Variants in PFKFB3 observed in about 807,000 individuals in gnomAD.
The protein encoded by PFKFB3 is 6-phosphofructo-2-kinase/fructose-2,6-bisphosphatase 3.
PFKFB3 carries 33 observed loss-of-function variants against 68.0 expected under a neutral mutation model. The ratio of observed to expected loss-of-function variants is 0.49; its 90% CI spans 0.37 to 0.65. PFKFB3 has a LOEUF of 0.65. PFKFB3 is among the 30% of genes least tolerant of loss of function. The probability of loss-of-function intolerance (pLI) is 0.00; values close to 1 mark genes in which losing one functional copy is unlikely to be tolerated. For synonymous variants in PFKFB3, 315 were observed against 288.2 expected (o/e 1.09, Z -0.94); for missense variants, 586 against 712.2 (o/e 0.82, Z 2.02).
upstream of PFKFB3, among the ~76,000 whole-genome samples, chr10:6,201,707 C>T (rs138018993): frequency 2.2e-3 from 341 of 152,280 alleles, 2 homozygotes; most frequent in African/African-American, 7.7e-3. This position sits in a 1 kb window ranked among gnomAD's most constrained non-coding sequence, Gnocchi z 4.1. Flanking sequence ...TCAGCGAGCG[C>T]CGCCTTCCCT....
At chr10:6,222,442 C>A (rs913263706) in intron 10 of PFKFB3, among the ~76,000 whole-genome samples, 1 of 152,236 alleles carries the variant, frequency 6.6e-6, no homozygotes, top group African/African-American at 2.4e-5. Context: ...CAGCCATCAC[C>A]ACAAATTCCA....
At chr10:6,304,629 G>A in the PFKFB3 span, among the ~76,000 whole-genome samples, 5 of 150,870 alleles carry the variant, frequency 3.3e-5, no homozygotes, top group African/African-American at 1.2e-4. Flanking sequence ...CCAAAGTGCT[G>A]GGATTACAGG....
At chr10:6,168,090 G>T (rs1310328599) in intron 1 of PFKFB3, among the ~76,000 whole-genome samples, 1 of 152,194 alleles carries the variant, frequency 6.6e-6, no homozygotes, top group East Asian at 1.9e-4. Context: ...TTTAGGGACA[G>T]GTTAAATCAC....
chr10:6,163,616 C>T (rs566618175), intron 1 of PFKFB3, among the ~76,000 whole-genome samples: 1 of 152,200 alleles, frequency 6.6e-6, no homozygotes, highest in South Asian at 2.1e-4. Flanking sequence ...CCTGCTTCCT[C>T]CCAGGTGCAC....
chr10:6,158,632 T>C (rs149426686), intron 1 of PFKFB3, among the ~76,000 whole-genome samples: 5 of 152,020 alleles, frequency 3.3e-5, no homozygotes, highest in Admixed American at 3.3e-4. Context: ...TTGGGAGGCC[T>C]AGGCAGGCGG....
chr10:6,229,533 T>C lies in PFKFB3; in HGVS notation c.1515+3168T>C, dbSNP rs1013570490. Among the ~76,000 whole-genome samples the C allele has an allele frequency of 6.6e-6, 1 of 152,174 alleles. No individual in the cohort carries two copies. The highest frequency in any genetic ancestry group is 2.1e-4 in the South Asian group (1 of 4,824). On this transcript the variant is annotated intron_variant, in intron 14 of 14. Coordinates refer to ENST00000379775, the MANE Select transcript of PFKFB3 (RefSeq NM_004566.4). The surrounding 1 kb of genome is among the most constrained non-coding windows in gnomAD (Gnocchi z 4.3). ...ACCCCCACAGCCACCCCCTTGCAGC[T>C]GCTTCCCACAGCCAGGCTTTGCTTA...
Position 6,215,294 on chromosome 10 carries a change from T to C in PFKFB3, c.276T>C (p.Asn92=), listed in dbSNP as rs1270442720. 3 of 1,613,678 alleles carry C rather than the reference T, an allele frequency of 1.9e-6. No individual in the cohort carries two copies. The highest frequency in any genetic ancestry group is 2.2e-5 in the East Asian group (1 of 44,870). The change falls in exon 3 of 15, where the codon AAT becomes AAC. Residue 92 remains asparagine (N), a synonymous_variant. Coordinates refer to ENST00000379775, the MANE Select transcript of PFKFB3 (RefSeq NM_004566.4). This position sits in a 1 kb window ranked among gnomAD's most constrained non-coding sequence, Gnocchi z 4.3. The part of the protein sequence containing the change: ...YSSYNFFRPD[N]EEAMKVRKQC... ...CCTACAACTTCTTCCGCCCCGACAA[T>C]GAGGAAGCCATGAAAGTCCGGAAGT...
intron 14 of PFKFB3, chr10:6,231,579 C>T (rs1034909371): frequency 4.3e-5 from 42 of 985,236 alleles, no homozygotes; most frequent in Non-Finnish European, 4.1e-5. Context: ...CTGTGGGTGC[C>T]GGAAGCTGTG....
the PFKFB3 span, among the ~76,000 whole-genome samples, chr10:6,320,408 C>T: frequency 6.6e-6 from 1 of 151,320 alleles, no homozygotes; most frequent in Non-Finnish European, 1.5e-5. Context: ...GGCTGACCTT[C>T]AAGGTAGCAG....
the PFKFB3 span, among the ~76,000 whole-genome samples, chr10:6,298,065 A>G: frequency 6.6e-6 from 1 of 152,298 alleles, no homozygotes; most frequent in East Asian, 1.9e-4. Flanking sequence ...GAACAGAAAG[A>G]AGGGGGGAGG....
chr10:6,322,081 G>A, the PFKFB3 span, among the ~76,000 whole-genome samples: 9 of 152,092 alleles, frequency 5.9e-5, no homozygotes, highest in Non-Finnish European at 1.2e-4. Context: ...ATTGTCTGTT[G>A]ACATATTCAG....
At chr10:6,303,777 G>A in the PFKFB3 span, among the ~76,000 whole-genome samples, 1 of 146,376 alleles carries the variant, frequency 6.8e-6, no homozygotes, top group African/African-American at 2.5e-5. Flanking sequence ...TCCAGCCTGG[G>A]CAGCAGAGTG....
At chr10:6,302,362 GTTTTTTTTTTTTTTTTTTTTTTTT>G in the PFKFB3 span, among the ~76,000 whole-genome samples, 6 of 78,494 alleles carry the variant, frequency 7.6e-5, 1 homozygote, top group African/African-American at 3.2e-4. Flanking sequence ...TGCCTGGCCA[GTTTTTTTTTTTTTTTTTTTTTTTT>G]TTTTTTTTTT....
chr10:6,214,398 C>T (rs1019589880), intron 2 of PFKFB3, among the ~76,000 whole-genome samples: 2 of 152,140 alleles, frequency 1.3e-5, no homozygotes, highest in African/African-American at 4.8e-5. Flanking sequence ...TTGTCTTCCA[C>T]GAAAGTGGTC....
chr10:6,254,180 G>C, exon 15 of PFKFB3: 1 of 395,548 alleles, frequency 2.5e-6, no homozygotes, highest in Non-Finnish European at 4.4e-6. Flanking sequence ...CTGTTTAGGA[G>C]TTAAAGAGTG....
chr10:6,287,905 A>G, the PFKFB3 span, among the ~76,000 whole-genome samples: 1 of 152,144 alleles, frequency 6.6e-6, no homozygotes, highest in African/African-American at 2.4e-5. Context: ...TCTGACCAAC[A>G]TTGTTTTCCT....
chr10:6,227,523 GT>G, intron 14 of PFKFB3, among the ~76,000 whole-genome samples: 2 of 152,312 alleles, frequency 1.3e-5, no homozygotes. Flanking sequence ...CCAGGCCTCA[GT>G]TTTTTCATCC....
intron 5 of PFKFB3, 138 bp downstream of exon 5, chr10:6,216,918 G>A (rs1844625500): frequency 2.5e-6 from 2 of 808,922 alleles, no homozygotes; most frequent in Admixed American, 2.1e-5. Context: ...CCCTCCTGCT[G>A]CCCACGTTTT....
chr10:6,216,364 C>A (rs1245248282), intron 4 of PFKFB3, among the ~76,000 whole-genome samples, 173 bp downstream of exon 4: 1 of 152,170 alleles, frequency 6.6e-6, no homozygotes, highest in Non-Finnish European at 1.5e-5. Flanking sequence ...CAGGGACCCA[C>A]CCCCTCTGTG....
Sources: allele counts gnomAD v4.1 joint callset (sites outside exome capture counted in the v4.1 genomes callset), GRCh38; gene constraint gnomAD v4.1.1; non-coding constraint Gnocchi (gnomAD v3.1); transcripts MANE v1.5; gene names NCBI Gene and HGNC (gene_info 2026-07-23, HGNC 2026-07-21).